TRAK1: variants seen among roughly 807,000 people sequenced by gnomAD.
TRAK1 encodes trafficking kinesin protein 1.
In TRAK1, 33 loss-of-function variants were observed where a neutral mutation model predicts 92.1. The observed-to-expected ratio is 0.36, with a 90% CI of 0.27 to 0.48. The LOEUF (loss-of-function observed/expected upper bound fraction) is 0.48, where lower values mean the gene tolerates loss of function less well. Ranked by LOEUF, TRAK1 falls within the 20% of genes least tolerant of loss-of-function variation. The pLI, the probability that TRAK1 is intolerant of heterozygous loss-of-function variation, is 0.99. For missense variants in TRAK1, 1,123 were observed against 1,257.9 expected (o/e 0.89, Z 1.62); for synonymous variants, 521 against 517.3 (o/e 1.01, Z -0.10).
chr3:42,057,474 T>A (rs954225395), intron 1 of TRAK1, among the ~76,000 whole-genome samples: 1 of 152,158 alleles, frequency 6.6e-6, no homozygotes, highest in African/African-American at 2.4e-5. Flanking sequence ...CTTTGCAGCA[T>A]GCTGGAGTAG....
chr3:42,137,930 CTGAA>C (rs1231460409), intron 2 of TRAK1, among the ~76,000 whole-genome samples: 7 of 152,156 alleles, frequency 4.6e-5, no homozygotes, highest in African/African-American at 1.4e-4. Flanking sequence ...TTATGGTTCT[CTGAA>C]TGTTTCTTTG....
chr3:42,168,967 G>C (rs772875978), intron 2 of TRAK1, among the ~76,000 whole-genome samples: 36 of 152,136 alleles, frequency 2.4e-4, no homozygotes, highest in Non-Finnish European at 4.4e-4. Context: ...GCGATTAAAG[G>C]CATGTGCCAC....
rs369469560 is a variant in TRAK1, at chr3:42,193,859, G to C, written c.936G>C (p.Leu312=). The change falls in exon 9 of 16, where the codon CTG becomes CTC. Residue 312 remains leucine (L), a synonymous_variant. Transcript: ENST00000327628. ...AVENEELVQH[L]GAAKDAQRQL... The stretch of plus-strand genomic sequence containing the variant: ...AAAATGAAGAACTTGTCCAGCATCT[G>C]GGGGCTGCTAAGGATGCCCAGCGGC... 6.2e-7 allele frequency: 1 copy of C among 1,614,042 alleles called. No individual in the cohort carries two copies. The highest frequency in any genetic ancestry group is 1.3e-5 in the African/African-American group (1 of 74,942).
chr3:42,043,061 T>G (rs1702611000), intron 1 of TRAK1, among the ~76,000 whole-genome samples: 1 of 152,162 alleles, frequency 6.6e-6, no homozygotes, highest in African/African-American at 2.4e-5. Flanking sequence ...ACTCTGACTT[T>G]AGAGTTCTTG....
At position 42,125,451 on chromosome 3, in the gene TRAK1, C is replaced by T. The variant is rs61742102; in HGVS notation, c.123C>T (p.Val41=). 5,907 of 1,614,130 alleles carry T rather than the reference C, an allele frequency of 3.7e-3. 104 individuals carry two copies. In the South Asian group the frequency reaches 0.039, roughly 11 times the overall value. Residue 41 remains valine, a synonymous_variant, in exon 2 of 16, where the codon GTC becomes GTT. Transcript: ENST00000327628. The part of the protein sequence containing the change: ...DVCNSTDLPE[V]EIISLLEEQL... Reference sequence around the variant, plus strand: ...GCAACAGCACCGATCTTCCGGAAGTCGAGATCATTAGCCTGCTGGAGGAGC... The same window carrying T: ...GCAACAGCACCGATCTTCCGGAAGTTGAGATCATTAGCCTGCTGGAGGAGC...
chr3:42,029,334 G>T (rs1281510111), intron 1 of TRAK1, among the ~76,000 whole-genome samples: 1 of 152,166 alleles, frequency 6.6e-6, no homozygotes, highest in African/African-American at 2.4e-5. Context: ...AACCTTCTGG[G>T]CTTGAGTGAT....
chr3:42,125,356 A>G, intron 1 of TRAK1, 64 bp from the exon 2 acceptor site: 1 of 1,493,696 alleles, frequency 6.7e-7, no homozygotes, highest in Non-Finnish European at 9.1e-7. Context: ...CTACAAGTTT[A>G]GTTAACTAGC....
At chr3:42,123,705 ATT>A (rs34202433) in intron 1 of TRAK1, among the ~76,000 whole-genome samples, 15 of 149,376 alleles carry the variant, frequency 1.0e-4, no homozygotes, top group Non-Finnish European at 1.3e-4. Context: ...TGTCACAAGT[ATT>A]TTTTTTTTTT....
At chr3:42,118,164 A>G (rs1305409052) in intron 1 of TRAK1, among the ~76,000 whole-genome samples, 2 of 151,000 alleles carry the variant, frequency 1.3e-5, no homozygotes, top group Non-Finnish European at 2.9e-5. Context: ...GCTCACTGCA[A>G]CCTCCACCTC....
rs905770201 is a variant in TRAK1 at position 42,103,967 on chromosome 3, C to A, written c.91+12407C>A. ...TACCTGGAAAATTGGGACACTCCCA[C>A]CCTAATACTGCGCTTTTCCAATGGT... On this transcript the variant is annotated intron_variant, in intron 1 of 15. Coordinates refer to ENST00000327628, the MANE Select transcript of TRAK1 (RefSeq NM_001042646.3). Among the ~76,000 whole-genome samples the A allele has an allele frequency of 4.6e-5, 7 of 152,160 alleles. No individual in the cohort carries two copies. In the South Asian group the frequency reaches 1.4e-3, roughly 32 times the overall value.
At chr3:42,176,766 G>A in intron 2 of TRAK1, 48 bp from the exon 3 acceptor site, 1 of 1,551,700 alleles carries the variant, frequency 6.4e-7, no homozygotes, top group Middle Eastern at 1.7e-4. Context: ...CATTTGTTTG[G>A]CAGGTTTGTG....
chr3:42,078,701 C>G (rs1381918777), intron 1 of TRAK1, among the ~76,000 whole-genome samples: 1 of 141,842 alleles, frequency 7.1e-6, no homozygotes, highest in Non-Finnish European at 1.5e-5. Context: ...TGCAGTGAGC[C>G]AAGATCAGGC....
At chr3:42,058,682 G>T (rs1424430323) in intron 1 of TRAK1, among the ~76,000 whole-genome samples, 1 of 152,174 alleles carries the variant, frequency 6.6e-6, no homozygotes, top group Non-Finnish European at 1.5e-5. Context: ...CTACCTCCTG[G>T]CTGATGCAGG....
At chr3:42,070,251 T>TATTATAATTATAATAATTATGAATAATA (rs1559736190) in intron 1 of TRAK1, among the ~76,000 whole-genome samples, 7 of 124,628 alleles carry the variant, frequency 5.6e-5, no homozygotes, top group African/African-American at 8.5e-5. Flanking sequence ...TAATAATAAT[T>TATTATAATTATAATAATTATGAATAATA]ATTATAATTA....
At chr3:42,222,183 G>A (rs1330222983) in intron 15 of TRAK1, among the ~76,000 whole-genome samples, 1 of 152,084 alleles carries the variant, frequency 6.6e-6, no homozygotes, top group African/African-American at 2.4e-5. Flanking sequence ...CTTTCCTTCC[G>A]TAACTCAGGC....
At chr3:42,206,120 A>G (rs1030684748) in intron 13 of TRAK1, among the ~76,000 whole-genome samples, 22 of 152,166 alleles carry the variant, frequency 1.4e-4, no homozygotes, top group Middle Eastern at 3.2e-3. Context: ...TGCAATTCAT[A>G]TTTATTTTTT....
chr3:42,126,145 C>CT lies in TRAK1; in HGVS notation c.286+545dup, dbSNP rs777698681. Among the ~76,000 whole-genome samples the CT allele has an allele frequency of 8.2e-3, 1,181 of 144,800 alleles. 9 individuals are homozygous for CT. The highest frequency in any genetic ancestry group is 0.022 in the African/African-American group (882 of 39,704). The allele number at this position is 144,800 out of a possible 152,430, so 95.0% of individuals were successfully genotyped here. A position where few individuals can be genotyped will look rare whatever the true frequency, so the allele number is the denominator to read the frequency against. ...TGCTGGGATTATAGGTGGGAGCCAA[C>CT]TTTTTTTTTTTTTTGACTGTACAGA... On this transcript the variant is annotated intron_variant, in intron 2 of 15. Transcript: ENST00000327628.
At chr3:42,023,158 A>AG (rs386396451) in intron 1 of TRAK1, among the ~76,000 whole-genome samples, 1 of 220 alleles carries the variant, frequency 4.5e-3, no homozygotes, top group African/African-American at 0.011. Flanking sequence ...ACTGCATCTC[A>AG]AAAAAAAAAA....
intron 2 of TRAK1, among the ~76,000 whole-genome samples, chr3:42,155,216 T>C (rs1700408789): frequency 6.6e-6 from 1 of 150,966 alleles, no homozygotes; most frequent in Non-Finnish European, 1.5e-5. Context: ...TGCTGGGGAG[T>C]AAGTTATGGG....
Sources: allele counts gnomAD v4.1 joint callset (sites outside exome capture counted in the v4.1 genomes callset), GRCh38; gene constraint gnomAD v4.1.1; transcripts MANE v1.5; gene names NCBI Gene and HGNC (gene_info 2026-07-23, HGNC 2026-07-21).